TRAPPC9: variants seen among roughly 807,000 people sequenced by gnomAD.
TRAPPC9 encodes the protein trafficking protein particle complex subunit 9.
TRAPPC9 carries 83 observed loss-of-function variants against 124.0 expected under a neutral mutation model. The ratio of observed to expected loss-of-function variants is 0.67; its 90% CI spans 0.56 to 0.80. TRAPPC9 has a LOEUF of 0.80. TRAPPC9 is among the 30% of genes least tolerant of loss of function. The pLI is 0.00. For synonymous variants in TRAPPC9, 638 were observed against 617.5 expected, an observed-to-expected ratio of 1.03 and a Z score of -0.49; for missense variants, 1,302 against 1,508.3, an observed-to-expected ratio of 0.86 and a Z score of 2.27.
intron 20 of TRAPPC9, among the ~76,000 whole-genome samples, chr8:139,901,514 C>T (rs4736113): frequency 0.97 from 148,240 of 152,312 alleles, 72,145 homozygotes; most frequent in East Asian, 1. Flanking sequence ...CAGTGGGACG[C>T]GCTGCCAAGG....
intron 21 of TRAPPC9, among the ~76,000 whole-genome samples, chr8:139,739,970 C>T (rs1368080320): frequency 6.6e-6 from 1 of 152,112 alleles, no homozygotes; most frequent in Non-Finnish European, 1.5e-5. Flanking sequence ...GAACGCTGGC[C>T]CCACCACCGA....
At chr8:140,321,098 G>A (rs1245170060) in intron 9 of TRAPPC9, among the ~76,000 whole-genome samples, 7 of 152,256 alleles carry the variant, frequency 4.6e-5, no homozygotes, top group Non-Finnish European at 8.8e-5. Flanking sequence ...AGCTCGCTGA[G>A]AGGAGCACAG....
intron 17 of TRAPPC9, among the ~76,000 whole-genome samples, chr8:140,204,778 G>A (rs1431122680): frequency 1.3e-5 from 2 of 152,216 alleles, no homozygotes; most frequent in African/African-American, 4.8e-5. Context: ...GCAGAACCAT[G>A]AGCCAGTTAA....
In TRAPPC9 at chr8:140,129,004, T is replaced by TAA. The variant is rs1184610575; in HGVS notation, c.2556+92454_2556+92455insTT. Among the ~76,000 whole-genome samples, 893 of 137,190 alleles carry TAA rather than the reference T, an allele frequency of 6.5e-3. 9 individuals carry two copies. Among genetic ancestry groups the TAA allele is most frequent in the African/African-American group, 0.023 (842 of 36,428 alleles). The allele number at this position is 137,190 out of a possible 152,430, so 90.0% of individuals were successfully genotyped here. A position where few individuals can be genotyped will look rare whatever the true frequency, so the allele number is the denominator to read the frequency against. ...ATATATATACATATATATATATATA[T>TAA]TAAAAAAAAAAAGAAGACTCCTCTC... On this transcript the variant is annotated intron_variant, in intron 17 of 22. Coordinates refer to ENST00000438773, the MANE Select transcript of TRAPPC9 (RefSeq NM_001160372.4).
At chr8:140,240,476 G>C (rs975787542) in intron 16 of TRAPPC9, among the ~76,000 whole-genome samples, 3 of 152,162 alleles carry the variant, frequency 2.0e-5, no homozygotes, top group African/African-American at 7.2e-5. Flanking sequence ...CACACTCCTG[G>C]TTAAGACCTT....
chr8:139,793,083 G>A (rs139592758), intron 21 of TRAPPC9, among the ~76,000 whole-genome samples: 168 of 152,246 alleles, frequency 1.1e-3, no homozygotes, highest in Non-Finnish European at 1.4e-3. Flanking sequence ...AGCTGCCAGG[G>A]AGGAATGCTG....
At chr8:140,167,730 A>G (rs2061870572) in intron 17 of TRAPPC9, among the ~76,000 whole-genome samples, 1 of 152,220 alleles carries the variant, frequency 6.6e-6, no homozygotes. Context: ...TTTCATAGGC[A>G]TGAATATGTA....
chr8:140,402,512 G>A lies in TRAPPC9; in HGVS notation c.1008+3065C>T, dbSNP rs143153667. On this transcript the variant is annotated intron_variant, in intron 6 of 22. Transcript: ENST00000438773. ...AGTTCAAGACAAGCCTGGGCAACAT[G>A]GTAAAACCCCATCTCTACAAAAAAT... Among the ~76,000 whole-genome samples, 876 of 152,044 alleles carry A rather than the reference G, an allele frequency of 5.8e-3. 8 individuals are homozygous for A. Among genetic ancestry groups the A allele is most frequent in the African/African-American group, 0.02 (831 of 41,486 alleles).
intron 21 of TRAPPC9, among the ~76,000 whole-genome samples, chr8:139,735,378 C>CT (rs1208689664): frequency 1.3e-5 from 2 of 152,214 alleles, no homozygotes; most frequent in East Asian, 3.9e-4. Context: ...CGGCTTTCGT[C>CT]TCCAGCCTTG....
At chr8:140,230,735 C>A (rs2063571561) in intron 16 of TRAPPC9, among the ~76,000 whole-genome samples, 1 of 151,954 alleles carries the variant, frequency 6.6e-6, no homozygotes, top group African/African-American at 2.4e-5. Context: ...GATCGCGCCA[C>A]TGTGCACTCC....
At chr8:140,367,827 G>T (rs936250910) in intron 8 of TRAPPC9, among the ~76,000 whole-genome samples, 4 of 152,160 alleles carry the variant, frequency 2.6e-5, no homozygotes, top group Non-Finnish European at 4.4e-5. Context: ...GCGTCTGCAA[G>T]GGCAGGAGGT....
At chr8:140,238,761 G>A (rs977183337) in intron 16 of TRAPPC9, among the ~76,000 whole-genome samples, 4 of 152,218 alleles carry the variant, frequency 2.6e-5, no homozygotes, top group Non-Finnish European at 5.9e-5. Flanking sequence ...CTTGTGACGA[G>A]GTAAAAGAGT....
At chr8:140,301,794 T>C (rs1176047899) in intron 10 of TRAPPC9, among the ~76,000 whole-genome samples, 4 of 150,922 alleles carry the variant, frequency 2.7e-5, no homozygotes, top group African/African-American at 9.8e-5. Flanking sequence ...CACTTTAGAG[T>C]GACGGGCCAG....
chr8:140,070,972 C>CT (rs1843130469), intron 17 of TRAPPC9, among the ~76,000 whole-genome samples: 1 of 151,912 alleles, frequency 6.6e-6, no homozygotes, highest in Non-Finnish European at 1.5e-5. Context: ...GCCTTGGCAG[C>CT]ACTCGGCCAG....
chr8:139,758,289 G>A (rs575228831), intron 21 of TRAPPC9, among the ~76,000 whole-genome samples: 1 of 152,310 alleles, frequency 6.6e-6, no homozygotes, highest in East Asian at 1.9e-4. Flanking sequence ...CGCCCTGTGT[G>A]GAATGGGACT....
At chr8:139,760,002 G>T (rs1820111688) in intron 21 of TRAPPC9, among the ~76,000 whole-genome samples, 1 of 152,246 alleles carries the variant, frequency 6.6e-6, no homozygotes, top group Non-Finnish European at 1.5e-5. Flanking sequence ...CCCTGCACCA[G>T]CACACGCCCG....
intron 17 of TRAPPC9, among the ~76,000 whole-genome samples, chr8:140,030,405 TG>T (rs1177298933): frequency 1.3e-5 from 2 of 152,206 alleles, no homozygotes; most frequent in Non-Finnish European, 2.9e-5. Context: ...TCTCAGAAAT[TG>T]CTGGTGGCAC....
chr8:139,960,068 T>C (rs1440858067), intron 19 of TRAPPC9, among the ~76,000 whole-genome samples: 2 of 152,214 alleles, frequency 1.3e-5, no homozygotes. Context: ...CGAGGAATCA[T>C]TTTTCAGATG....
intron 17 of TRAPPC9, among the ~76,000 whole-genome samples, chr8:140,176,311 C>T (rs1423446589): frequency 2.0e-5 from 3 of 152,208 alleles, no homozygotes; most frequent in African/African-American, 4.8e-5. Flanking sequence ...TGCCTCCTCT[C>T]TGGCCATCTA....
Sources: gnomAD v4.1 joint callset for allele counts (sites outside exome capture counted in the v4.1 genomes callset) on GRCh38, gnomAD v4.1.1 for gene constraint, MANE v1.5 for transcripts, NCBI Gene and HGNC (gene_info 2026-07-23, HGNC 2026-07-21) for gene names.